Variants in BTBD9 observed in about 807,000 individuals in gnomAD.
BTBD9 encodes BTB/POZ domain-containing protein 9.
In BTBD9, 49 loss-of-function variants were observed where a neutral mutation model predicts 64.3. The ratio of observed to expected loss-of-function variants is 0.76; its 90% CI spans 0.61 to 0.97. The LOEUF (loss-of-function observed/expected upper bound fraction) is 0.97. BTBD9 is among the 50% of genes least tolerant of loss of function. The pLI is 0.00. For missense variants in BTBD9, 598 were observed against 762.1 expected, an observed-to-expected ratio of 0.78 and a Z score of 2.53; for synonymous variants, 260 against 274.7, an observed-to-expected ratio of 0.95 and a Z score of 0.53.
chr6:38,490,522 G>A (rs1265966645), intron 6 of BTBD9, among the ~76,000 whole-genome samples: 1 of 151,954 alleles, frequency 6.6e-6, no homozygotes, highest in East Asian at 1.9e-4. Context: ...GGTTTCCCAC[G>A]TTGGCCAGGC....
intron 6 of BTBD9, among the ~76,000 whole-genome samples, chr6:38,438,212 G>C (rs1174251035): frequency 4.6e-5 from 2 of 43,508 alleles, no homozygotes; most frequent in Non-Finnish European, 8.6e-5. Flanking sequence ...AGGAAGGAGG[G>C]AGGGAGGGAG....
intron 1 of BTBD9, among the ~76,000 whole-genome samples, chr6:38,616,027 T>C (rs1188839886): frequency 2.0e-5 from 3 of 152,182 alleles, no homozygotes. Flanking sequence ...CCAGTAACTT[T>C]ATATAAGAGT....
rs114007814 is a variant in BTBD9 at position 38,553,488 on chromosome 6, G to A, written c.1154+24112C>T. Among the ~76,000 whole-genome samples the A allele has an allele frequency of 2.0e-3, 312 of 152,232 alleles. 4 individuals are homozygous for A. The highest frequency in any genetic ancestry group is 7.2e-3 in the African/African-American group (299 of 41,542). ...TTGAGTGTTGGAAAAGAACAAACTG[G>A]TTATCCCTTACACTATATTCCCTAA... On this transcript the variant is annotated intron_variant, in intron 6 of 10. Transcript: ENST00000481247.
At chr6:38,266,305 G>T (rs1764969759) in intron 8 of BTBD9, among the ~76,000 whole-genome samples, 1 of 152,134 alleles carries the variant, frequency 6.6e-6, no homozygotes. Flanking sequence ...AGGCACGGTG[G>T]CTCACACCTG....
Position 38,203,952 on chromosome 6 carries a change from C to T in BTBD9, c.1563-11355G>A, listed in dbSNP as rs979778843. ...TGATAAATACTCAAGATGATGAATA[C>T]TCCAAATAACCTGACTTGGTCATTA... On this transcript the variant is annotated intron_variant, in intron 9 of 10. Transcript: ENST00000481247. 2.6e-4 allele frequency among the ~76,000 whole-genome samples: 40 copies of T among 152,072 alleles called. 1 individual carries two copies. The highest frequency in any genetic ancestry group is 2.0e-4 in the Admixed American group (3 of 15,276).
chr6:38,328,565 G>GTGTGTGTGTGTGTGTGTC (rs1491538392), intron 7 of BTBD9, among the ~76,000 whole-genome samples: 236 of 6,678 alleles, frequency 0.035, 2 homozygotes, highest in South Asian at 0.21. Flanking sequence ...TTAAGCCACC[G>GTGTGTGTGTGTGTGTGTC]TGTGTGTGTG....
At chr6:38,449,850 C>T (rs1199455828) in intron 6 of BTBD9, among the ~76,000 whole-genome samples, 2 of 152,134 alleles carry the variant, frequency 1.3e-5, no homozygotes, top group Non-Finnish European at 2.9e-5. Flanking sequence ...AGGGGGAAAG[C>T]TCCATGACAT....
intron 6 of BTBD9, among the ~76,000 whole-genome samples, chr6:38,465,708 TA>T (rs1770329480): frequency 2.8e-4 from 4 of 14,126 alleles, no homozygotes; most frequent in South Asian, 1.9e-3. Flanking sequence ...ATAAATAAAT[TA>T]TATATATATA....
At chr6:38,452,572 GA>G (rs528429520) in intron 6 of BTBD9, among the ~76,000 whole-genome samples, 84 of 145,704 alleles carry the variant, frequency 5.8e-4, no homozygotes, top group Non-Finnish European at 8.9e-4. Context: ...AATGAGAATG[GA>G]AAAAAAAAAG....
At chr6:38,639,555 C>G (rs540765996) in intron 1 of BTBD9, among the ~76,000 whole-genome samples, 2 of 152,288 alleles carry the variant, frequency 1.3e-5, no homozygotes, top group East Asian at 1.9e-4. Context: ...AGAGCCACCC[C>G]GAATCCCCGA....
chr6:38,410,370 G>A (rs1217871811), intron 6 of BTBD9, among the ~76,000 whole-genome samples: 2 of 152,176 alleles, frequency 1.3e-5, no homozygotes, highest in Non-Finnish European at 2.9e-5. Flanking sequence ...AGCTACCTGG[G>A]AGGCTGAGGG....
intron 6 of BTBD9, among the ~76,000 whole-genome samples, chr6:38,358,012 C>A (rs1486203873): frequency 6.6e-6 from 1 of 152,002 alleles, no homozygotes; most frequent in African/African-American, 2.4e-5. Context: ...ATTTTGTTAG[C>A]CGGTCTCTCT....
chr6:38,240,201 G>C (rs1340612210), intron 9 of BTBD9, among the ~76,000 whole-genome samples: 1 of 152,186 alleles, frequency 6.6e-6, no homozygotes, highest in East Asian at 1.9e-4. Flanking sequence ...GATTTAGCAT[G>C]CTGCCTACTC....
chr6:38,607,555 G>A (rs1040322250), intron 1 of BTBD9, among the ~76,000 whole-genome samples: 12 of 152,204 alleles, frequency 7.9e-5, no homozygotes, highest in Admixed American at 2.0e-4. Flanking sequence ...TCAGTAAGTT[G>A]CCAAAGGATA....
At chr6:38,342,562 G>T (rs1475946507) in intron 7 of BTBD9, among the ~76,000 whole-genome samples, 1 of 150,102 alleles carries the variant, frequency 6.7e-6, no homozygotes, top group African/African-American at 2.5e-5. Context: ...AAAAAAGTAG[G>T]ATTTGATACT....
At chr6:38,550,820 C>A (rs2127447341) in intron 6 of BTBD9, among the ~76,000 whole-genome samples, 1 of 152,298 alleles carries the variant, frequency 6.6e-6, no homozygotes, top group Middle Eastern at 3.4e-3. Context: ...ACAATCAAAT[C>A]ACAGGATTCC....
chr6:38,553,296 G>C (rs1352525495), intron 6 of BTBD9, among the ~76,000 whole-genome samples: 1 of 152,052 alleles, frequency 6.6e-6, no homozygotes, highest in Non-Finnish European at 1.5e-5. Flanking sequence ...CACCATGATG[G>C]GTCAATCTGA....
At chr6:38,348,080 A>C (rs998283504) in intron 6 of BTBD9, among the ~76,000 whole-genome samples, 35 of 152,138 alleles carry the variant, frequency 2.3e-4, no homozygotes, top group African/African-American at 8.5e-4. Flanking sequence ...AAGTGGGAGG[A>C]GGGAGCACAG....
chr6:38,492,376 T>C (rs1464058884), intron 6 of BTBD9, among the ~76,000 whole-genome samples: 1 of 152,240 alleles, frequency 6.6e-6, no homozygotes, highest in Admixed American at 6.5e-5. Context: ...TGGCCCCATT[T>C]CCTTCAATAT....
Sources: allele counts gnomAD v4.1 joint callset (sites outside exome capture counted in the v4.1 genomes callset), GRCh38; gene constraint gnomAD v4.1.1; transcripts MANE v1.5; gene names NCBI Gene and HGNC (gene_info 2026-07-23, HGNC 2026-07-21).